Variants in ARSL observed in about 807,000 individuals in gnomAD.
ARSL encodes arylsulfatase L.
Under a neutral mutation model 31.1 loss-of-function variants are expected in ARSL, and 4 were observed. That is an observed-to-expected ratio of 0.13 (90% CI 0.06 to 0.29). ARSL has a LOEUF of 0.29. Ranked by LOEUF, ARSL falls within the 10% of genes least tolerant of loss-of-function variation. The pLI, the probability that ARSL is intolerant of heterozygous loss-of-function variation, is 1.00. For missense variants in ARSL, 312 were observed against 497.8 expected (o/e 0.63, Z 3.55); for synonymous variants, 198 against 209.9 (o/e 0.94, Z 0.49).
rs2089376038 is a variant in ARSL, at chrX:2,946,141, A to G, written c.855-7T>C. 5.0e-6 allele frequency: 6 copies of G among 1,207,660 alleles called. No homozygotes were observed. The highest frequency in any genetic ancestry group is 1.8e-5 in the African/African-American group (1 of 56,807). ...GAAAGGCCCATGCTTATTCCTAAAA[A>G]TAAATACGAAGCAATTAAGGTGACT... On this transcript the variant is annotated splice_polypyrimidine_tract_variant and splice_region_variant and intron_variant, in intron 6 of 10. Transcript: ENST00000381134.
intron 2 of ARSL, chrX:2,959,878 A>T: frequency 2.9e-6 from 1 of 344,941 alleles, no homozygotes; most frequent in Non-Finnish European, 4.8e-6. Flanking sequence ...CAACATGGTG[A>T]GACCCTGTCT....
chrX:2,962,525 T>C (rs2147419166), intron 1 of ARSL, among the ~76,000 whole-genome samples: 1 of 106,511 alleles, frequency 9.4e-6, no homozygotes, highest in East Asian at 3.0e-4. Context: ...ACAGCTGGTG[T>C]GGGAGCGGGG....
chrX:2,944,212 T>C (rs773710464), intron 7 of ARSL, among the ~76,000 whole-genome samples: 4 of 107,458 alleles, frequency 3.7e-5, no homozygotes, highest in Non-Finnish European at 5.8e-5. Flanking sequence ...TCCCAGCACT[T>C]TGGGAGGCTG....
At chrX:2,951,614 C>CAAAA (rs1164575386) in intron 5 of ARSL, among the ~76,000 whole-genome samples, 7 of 28,814 alleles carry the variant, frequency 2.4e-4, no homozygotes, top group East Asian at 1.4e-3. Context: ...CCCATCTCTA[C>CAAAA]AAAAAAAAAA....
At chrX:2,947,949 C>A (rs992238044) in intron 6 of ARSL, among the ~76,000 whole-genome samples, 1 of 111,547 alleles carries the variant, frequency 9.0e-6, no homozygotes, top group African/African-American at 3.3e-5. Flanking sequence ...ATGGCAAAAC[C>A]CATCTCTATT....
At chrX:2,939,636 A>G (rs142485826) in intron 8 of ARSL, among the ~76,000 whole-genome samples, 4,020 of 110,477 alleles carry the variant, frequency 0.036, 182 homozygotes, top group African/African-American at 0.12. Context: ...GCAAATATAC[A>G]TCATAGGTAT....
intron 6 of ARSL, among the ~76,000 whole-genome samples, chrX:2,948,439 G>A (rs2089414998): frequency 9.0e-6 from 1 of 111,312 alleles, no homozygotes; most frequent in Admixed American, 9.6e-5. Flanking sequence ...TAGTGTCTGT[G>A]GTGATCCGAG....
At chrX:2,937,077 A>T (rs1362127322) in intron 9 of ARSL, among the ~76,000 whole-genome samples, 2 of 112,116 alleles carry the variant, frequency 1.8e-5, no homozygotes. Context: ...GTTAGTCACC[A>T]CCAAACGTCA....
At chrX:2,935,291 G>A (rs1230769235) in intron 10 of ARSL, 101 bp from the exon 11 acceptor site, 6 of 764,272 alleles carry the variant, frequency 7.9e-6, no homozygotes, top group South Asian at 2.3e-5. Context: ...TAACCCAAGC[G>A]TCCATCGATG....
intron 7 of ARSL, among the ~76,000 whole-genome samples, chrX:2,944,993 GAAGAAGAAGAAT>G (rs1489083870): frequency 1.8e-5 from 2 of 109,244 alleles, no homozygotes; most frequent in African/African-American, 6.8e-5. Flanking sequence ...GGAGGAATAT[GAAGAAGAAGAAT>G]AAGAAGAAGA....
At chrX:2,943,276 C>T (rs1199755663) in intron 7 of ARSL, 77 bp from the exon 8 acceptor site, 3 of 1,126,324 alleles carry the variant, frequency 2.7e-6, no homozygotes, top group South Asian at 1.9e-5. Context: ...TATGCTTTAG[C>T]ATTCGGGGGC....
At chrX:2,955,913 GTAGAA>G (rs1347477275) in intron 3 of ARSL, among the ~76,000 whole-genome samples, 1 of 112,428 alleles carries the variant, frequency 8.9e-6, no homozygotes, top group Non-Finnish European at 1.9e-5. Flanking sequence ...GTGCATGTCT[GTAGAA>G]CCAGCTACTT....
chrX:2,935,603 A>G (rs2147343735), intron 10 of ARSL, among the ~76,000 whole-genome samples: 1 of 111,822 alleles, frequency 8.9e-6, no homozygotes, highest in East Asian at 2.8e-4. Flanking sequence ...CTGGAGCTAC[A>G]TAGACGTGGA....
intron 7 of ARSL, among the ~76,000 whole-genome samples, chrX:2,945,642 A>C (rs1335129469): frequency 9.0e-6 from 1 of 111,341 alleles, no homozygotes; most frequent in African/African-American, 3.3e-5. Flanking sequence ...TGTCTCCCAC[A>C]TGGGGATTAG....
intron 6 of ARSL, among the ~76,000 whole-genome samples, chrX:2,947,231 CT>C (rs1418646366): frequency 2.0e-4 from 22 of 111,355 alleles, no homozygotes; most frequent in African/African-American, 7.2e-4. Flanking sequence ...TCTAATGCAT[CT>C]TTTCCCCCCC....
upstream of ARSL, chrX:2,968,121 A>G: frequency 8.7e-7 from 1 of 1,155,367 alleles, no homozygotes; most frequent in Non-Finnish European, 1.1e-6. Flanking sequence ...GCCGGCCTGT[A>G]AGAAGAAGCC....
At chrX:2,965,266 C>T (rs1307226521), upstream of ARSL, among the ~76,000 whole-genome samples, 1 of 110,621 alleles carries the variant, frequency 9.0e-6, no homozygotes, top group African/African-American at 3.3e-5. Flanking sequence ...TTTGGGAGGA[C>T]GAGGTGGGCC....
rs779865953 is a variant in ARSL at position 2,938,270 on chromosome X, A to G, written c.1127-13T>C. The G allele has an allele frequency of 9.9e-6, 12 of 1,209,824 alleles. No individual in the cohort carries two copies. Among genetic ancestry groups the G allele is most frequent in the Admixed American group, 4.4e-5 (2 of 45,827 alleles). ...ATGCCCTTCCCACCTGGGTTTGAAC[A>G]GAAACAAAAGAAAGTGGTTAAAAAC... On this transcript the variant is annotated splice_polypyrimidine_tract_variant and intron_variant, in intron 8 of 10. Coordinates refer to ENST00000381134, the MANE Select transcript of ARSL (RefSeq NM_000047.3).
chrX:2,946,471 T>C (rs759986257), intron 6 of ARSL, among the ~76,000 whole-genome samples: 16 of 102,867 alleles, frequency 1.6e-4, no homozygotes, highest in African/African-American at 5.7e-4. Flanking sequence ...CCCAAGTAGC[T>C]GGGGCCACAG....
Sources: gnomAD v4.1 joint callset for allele counts (sites outside exome capture counted in the v4.1 genomes callset) on GRCh38, gnomAD v4.1.1 for gene constraint, MANE v1.5 for transcripts, NCBI Gene and HGNC (gene_info 2026-07-23, HGNC 2026-07-21) for gene names.